CHSY3: variants seen among roughly 807,000 people sequenced by gnomAD.
CHSY3 encodes the protein N-acetylgalactosaminyl-proteoglycan 3-beta-glucuronosyltransferase 3.
In CHSY3, 35 loss-of-function variants were observed where a neutral mutation model predicts 67.2. The ratio of observed to expected loss-of-function variants is 0.52; its 90% CI spans 0.40 to 0.69. The LOEUF (loss-of-function observed/expected upper bound fraction) is 0.69. Ranked by LOEUF, CHSY3 falls within the 30% of genes least tolerant of loss-of-function variation. The pLI is 0.00. For synonymous variants in CHSY3, 474 were observed against 434.7 expected (o/e 1.09, Z -1.12); for missense variants, 1,069 against 1,138.5 (o/e 0.94, Z 0.88).
At chr5:129,990,980 G>C (rs1378456900) in intron 2 of CHSY3, among the ~76,000 whole-genome samples, 1 of 152,038 alleles carries the variant, frequency 6.6e-6, no homozygotes, top group Non-Finnish European at 1.5e-5. Flanking sequence ...AGAAGTTATT[G>C]TTAGCAAGTT....
intron 2 of CHSY3, among the ~76,000 whole-genome samples, chr5:130,081,081 T>C (rs1766430931): frequency 6.6e-6 from 1 of 152,210 alleles, no homozygotes; most frequent in Middle Eastern, 3.4e-3. Flanking sequence ...ACAAAGTCTG[T>C]TGGGCCTGCA....
chr5:129,920,331 C>T (rs1309641761), intron 2 of CHSY3, among the ~76,000 whole-genome samples: 7 of 152,206 alleles, frequency 4.6e-5, no homozygotes, highest in African/African-American at 1.7e-4. Flanking sequence ...CTGCAACCTC[C>T]GCCTCCCAAG....
chr5:130,103,388 T>C (rs1416520314), intron 2 of CHSY3, among the ~76,000 whole-genome samples: 2 of 152,080 alleles, frequency 1.3e-5, no homozygotes, highest in African/African-American at 4.8e-5. Flanking sequence ...TTGTACCACA[T>C]TGAGAGCAGA....
chr5:129,999,256 AC>A (rs1763648280), intron 2 of CHSY3, among the ~76,000 whole-genome samples: 1 of 151,930 alleles, frequency 6.6e-6, no homozygotes, highest in Non-Finnish European at 1.5e-5. Flanking sequence ...TATACACCCA[AC>A]CTTTTGTGAA....
intron 2 of CHSY3, among the ~76,000 whole-genome samples, chr5:129,978,065 G>C (rs1473651590): frequency 3.9e-5 from 6 of 152,088 alleles, no homozygotes; most frequent in African/African-American, 1.4e-4. Context: ...TTTCCAGAAA[G>C]TAAATGTGTT....
chr5:130,008,955 T>C (rs986020945), intron 2 of CHSY3, among the ~76,000 whole-genome samples: 2 of 151,878 alleles, frequency 1.3e-5, no homozygotes, highest in African/African-American at 4.8e-5. Context: ...TTCCAGAAAA[T>C]ATGGGATTAT....
chr5:130,103,207 T>G (rs754298126), intron 2 of CHSY3, among the ~76,000 whole-genome samples: 8 of 152,016 alleles, frequency 5.3e-5, no homozygotes, highest in Admixed American at 2.0e-4. Flanking sequence ...CAGCATACTT[T>G]GTGGTCTTGT....
intron 2 of CHSY3, among the ~76,000 whole-genome samples, chr5:129,932,339 C>A (rs1761344670): frequency 6.6e-6 from 1 of 151,792 alleles, no homozygotes; most frequent in Admixed American, 6.6e-5. Context: ...CTTCAGGAAC[C>A]TATCTTTCCC....
rs1770421196 is a variant in CHSY3 at position 130,186,342 on chromosome 5, T to C, written c.*551T>C. On this transcript the variant is annotated 3_prime_UTR_variant, in exon 3 of 3. Transcript: ENST00000305031. The stretch of plus-strand genomic sequence containing the variant: ...TTTAAAGTAAATGAATACCTATGAT[T>C]GTATGTTTATTTTTTAAAAAAAGTT... 6.6e-6 allele frequency: 1 copy of C among 150,528 alleles called. No individual in the cohort carries two copies. The highest frequency in any genetic ancestry group is 1.5e-5 in the Non-Finnish European group (1 of 68,024). The allele number at this position is 150,528 out of a possible 1,614,324, so 9.3% of individuals were successfully genotyped here.
chr5:129,973,575 C>G (rs1166299400), intron 2 of CHSY3, among the ~76,000 whole-genome samples: 1 of 151,898 alleles, frequency 6.6e-6, no homozygotes, highest in Non-Finnish European at 1.5e-5. Flanking sequence ...CCTAATACGC[C>G]CCACTGTTAA....
chr5:130,001,581 G>A, intron 2 of CHSY3: 2 of 837,448 alleles, frequency 2.4e-6, no homozygotes, highest in Non-Finnish European at 2.9e-6. Flanking sequence ...TATTCCAAAA[G>A]AATAGTACTA....
chr5:130,077,810 T>C (rs181156132), intron 2 of CHSY3, among the ~76,000 whole-genome samples: 7 of 150,884 alleles, frequency 4.6e-5, no homozygotes, highest in African/African-American at 1.7e-4. Flanking sequence ...TATATATATA[T>C]ACACACATAT....
At chr5:130,147,197 C>T (rs1043028084) in intron 2 of CHSY3, among the ~76,000 whole-genome samples, 5 of 152,138 alleles carry the variant, frequency 3.3e-5, no homozygotes, top group South Asian at 4.1e-4. Context: ...TAAATAGCAT[C>T]GTTCCATATC....
chr5:130,157,354 G>A (rs1769401743), intron 2 of CHSY3, among the ~76,000 whole-genome samples: 1 of 152,172 alleles, frequency 6.6e-6, no homozygotes, highest in Non-Finnish European at 1.5e-5. Flanking sequence ...CTGCAATTCA[G>A]TAGAAACATA....
rs139502587 is a variant in CHSY3, at chr5:130,081,241, A to T, written c.1087-102988A>T. Among the ~76,000 whole-genome samples the T allele has an allele frequency of 3.0e-3, 463 of 151,930 alleles. 3 individuals are homozygous for T. The highest frequency in any genetic ancestry group is 9.9e-3 in the African/African-American group (411 of 41,446). On this transcript the variant is annotated intron_variant, in intron 2 of 2. Coordinates refer to ENST00000305031, the MANE Select transcript of CHSY3 (RefSeq NM_175856.5). ...CTTGTTGGATCTGGACTTCAGTCAG[A>T]TAAAGGGGCTTCAAGAGAACAGCTT... is the stretch of plus-strand genomic sequence containing the variant.
rs114017741 is a variant in CHSY3 at position 130,173,776 on chromosome 5, A to C, written c.1087-10453A>C. On this transcript the variant is annotated intron_variant, in intron 2 of 2. Coordinates refer to ENST00000305031, the MANE Select transcript of CHSY3 (RefSeq NM_175856.5). ...TCATTCTTTCCATAATTATAGAATGAAATATGTATGTTTATTTTCCCTCAA... is the reference window on the plus strand; with the variant it reads ...TCATTCTTTCCATAATTATAGAATGCAATATGTATGTTTATTTTCCCTCAA... Among the ~76,000 whole-genome samples the C allele has an allele frequency of 7.4e-3, 1,125 of 152,176 alleles. 2 individuals carry two copies. The highest frequency in any genetic ancestry group is 0.025 in the African/African-American group (1,023 of 41,554).
intron 2 of CHSY3, among the ~76,000 whole-genome samples, chr5:129,920,078 T>C (rs1163090469): frequency 6.6e-6 from 1 of 152,204 alleles, no homozygotes; most frequent in East Asian, 1.9e-4. Flanking sequence ...ATTGAGGCTT[T>C]TTAATCTTTG....
At chr5:130,061,080 C>T (rs1342666414) in intron 2 of CHSY3, among the ~76,000 whole-genome samples, 2 of 151,992 alleles carry the variant, frequency 1.3e-5, no homozygotes, top group Admixed American at 1.3e-4. Context: ...TCATATGGAA[C>T]CAGAAAAGAC....
chr5:130,043,253 A>G (rs1358472773), intron 2 of CHSY3, among the ~76,000 whole-genome samples: 1 of 151,886 alleles, frequency 6.6e-6, no homozygotes, highest in Non-Finnish European at 1.5e-5. Flanking sequence ...TTTTTAATAG[A>G]TATTTTATCT....
Sources: gnomAD v4.1 joint callset for allele counts (sites outside exome capture counted in the v4.1 genomes callset) on GRCh38, gnomAD v4.1.1 for gene constraint, MANE v1.5 for transcripts, NCBI Gene and HGNC (gene_info 2026-07-23, HGNC 2026-07-21) for gene names.